Variants in CSMD1 observed in about 807,000 individuals in gnomAD.
CSMD1 encodes CUB and Sushi multiple domains 1, also known as CUB and sushi domain-containing protein 1.
CSMD1 carries 213 observed loss-of-function variants against 417.5 expected under a neutral mutation model. The ratio of observed to expected loss-of-function variants is 0.51; its 90% CI spans 0.46 to 0.57. CSMD1 has a LOEUF of 0.57. Among genes scored for constraint, CSMD1 ranks in the 20% least tolerant of loss-of-function variants. CSMD1 has a pLI of 0.00. For synonymous variants in CSMD1, 2,862 were observed against 1,736.8 expected (o/e 1.65, Z -16.11); for missense variants, 6,923 against 4,529.7 (o/e 1.53, Z -15.17).
intron 2 of CSMD1, among the ~76,000 whole-genome samples, chr8:4,579,972 T>G (rs1255805912): frequency 1.3e-5 from 2 of 152,212 alleles, no homozygotes; most frequent in African/African-American, 4.8e-5. Flanking sequence ...AATCCCTACT[T>G]GCTTTTTATT....
chr8:4,135,896 G>C (rs918428217), intron 3 of CSMD1, among the ~76,000 whole-genome samples: 3 of 152,008 alleles, frequency 2.0e-5, no homozygotes, highest in South Asian at 2.1e-4. Context: ...CAATGATTTG[G>C]GATGTTTTAT....
chr8:4,442,112 C>T, intron 2 of CSMD1, among the ~76,000 whole-genome samples: 1 of 152,214 alleles, frequency 6.6e-6, no homozygotes, highest in East Asian at 1.9e-4. Context: ...ATGCTTATCT[C>T]CTCCCACTCT....
chr8:3,481,132 G>A (rs548758948), intron 11 of CSMD1, among the ~76,000 whole-genome samples: 2 of 129,828 alleles, frequency 1.5e-5, no homozygotes, highest in South Asian at 5.1e-4. Context: ...TCCAGCCTGG[G>A]CAACAGAGCG....
chr8:3,772,336 C>T (rs13277693), intron 5 of CSMD1, among the ~76,000 whole-genome samples: 13,584 of 29,310 alleles, frequency 0.46, 2,321 homozygotes, highest in Middle Eastern at 0.62. Context: ...TATATTTAGA[C>T]ATACATATAT....
At chr8:3,108,868 G>A (rs1816322555) in intron 43 of CSMD1, 120 bp from the exon 44 acceptor site, 1 of 951,582 alleles carries the variant, frequency 1.1e-6, no homozygotes, top group Non-Finnish European at 1.5e-6. Flanking sequence ...GCATTCTCAG[G>A]ATACTGTGTT....
At chr8:4,101,719 G>C (rs1801313815) in intron 3 of CSMD1, among the ~76,000 whole-genome samples, 1 of 152,196 alleles carries the variant, frequency 6.6e-6, no homozygotes, top group Admixed American at 6.5e-5. Context: ...CCACATTCCA[G>C]AGGAGAAAAG....
At chr8:4,983,909 G>GA (rs1811034508) in intron 1 of CSMD1, among the ~76,000 whole-genome samples, 1 of 152,102 alleles carries the variant, frequency 6.6e-6, no homozygotes, top group African/African-American at 2.4e-5. Flanking sequence ...CAAAGTTATG[G>GA]TCGATGAGGT....
intron 7 of CSMD1, among the ~76,000 whole-genome samples, chr8:3,653,390 C>A (rs895372798): frequency 3.3e-5 from 5 of 152,048 alleles, no homozygotes; most frequent in African/African-American, 1.2e-4. Flanking sequence ...CTCATTGCAA[C>A]CTCCGCCTCC....
chr8:4,667,235 C>T (rs1563101242), intron 1 of CSMD1, among the ~76,000 whole-genome samples: 1 of 152,058 alleles, frequency 6.6e-6, no homozygotes, highest in African/African-American at 2.4e-5. Context: ...TTTTCCAATA[C>T]CACAGTCTTG....
intron 3 of CSMD1, among the ~76,000 whole-genome samples, chr8:4,043,941 T>C (rs559257127): frequency 1.4e-4 from 21 of 152,268 alleles, no homozygotes; most frequent in African/African-American, 5.1e-4. Flanking sequence ...CACCACACCA[T>C]ATTGTCCCAA....
At chr8:3,595,066 T>C (rs138754307) in intron 8 of CSMD1, among the ~76,000 whole-genome samples, 12 of 152,312 alleles carry the variant, frequency 7.9e-5, no homozygotes, top group African/African-American at 2.9e-4. Flanking sequence ...TTCATCTCTA[T>C]TTTAAAATAA....
At chr8:3,818,218 G>C (rs1244144496) in intron 5 of CSMD1, among the ~76,000 whole-genome samples, 1 of 151,986 alleles carries the variant, frequency 6.6e-6, no homozygotes, top group Admixed American at 6.6e-5. Context: ...AAAACGCAGA[G>C]CCCACCCCAA....
intron 3 of CSMD1, among the ~76,000 whole-genome samples, chr8:4,337,747 G>C (rs986853902): frequency 2.0e-5 from 3 of 152,114 alleles, no homozygotes; most frequent in African/African-American, 4.8e-5. Context: ...TGGATTAGTA[G>C]TACAGCCTTT....
At chr8:3,376,550 T>C (rs1391868105) in intron 18 of CSMD1, among the ~76,000 whole-genome samples, 1 of 152,132 alleles carries the variant, frequency 6.6e-6, no homozygotes, top group Non-Finnish European at 1.5e-5. Flanking sequence ...GTTGAACTAC[T>C]TGCATGATTC....
intron 5 of CSMD1, among the ~76,000 whole-genome samples, chr8:3,855,260 T>C (rs1804214003): frequency 6.6e-6 from 1 of 152,212 alleles, no homozygotes; most frequent in African/African-American, 2.4e-5. Flanking sequence ...AGATTTTTAC[T>C]ATATTGCATA....
At chr8:4,940,812 A>G (rs1807944928) in intron 1 of CSMD1, among the ~76,000 whole-genome samples, 1 of 152,180 alleles carries the variant, frequency 6.6e-6, no homozygotes, top group Non-Finnish European at 1.5e-5. Flanking sequence ...TCTCTGTACC[A>G]TGTGTCAGCT....
chr8:4,971,084 T>A (rs929384454), intron 1 of CSMD1, among the ~76,000 whole-genome samples: 1 of 152,064 alleles, frequency 6.6e-6, no homozygotes, highest in Non-Finnish European at 1.5e-5. Flanking sequence ...TGACTTTTTT[T>A]GGATCTCATT....
chr8:4,349,783 T>C (rs1800980340), intron 3 of CSMD1, among the ~76,000 whole-genome samples: 1 of 152,094 alleles, frequency 6.6e-6, no homozygotes, highest in African/African-American at 2.4e-5. Flanking sequence ...AAGATATTTA[T>C]TTGTCTCAAT....
At chr8:3,838,910 G>C (rs1243007241) in intron 5 of CSMD1, among the ~76,000 whole-genome samples, 2 of 100,554 alleles carry the variant, frequency 2.0e-5, no homozygotes, top group Non-Finnish European at 3.6e-5. Context: ...ATATACTCTA[G>C]ATATGTATAG....
Sources: allele counts gnomAD v4.1 joint callset (sites outside exome capture counted in the v4.1 genomes callset), GRCh38; gene constraint gnomAD v4.1.1; transcripts MANE v1.5; gene names NCBI Gene and HGNC (gene_info 2026-07-23, HGNC 2026-07-21).